The following PPME1 variants were observed in gnomAD, a reference collection of about 807,000 sequenced individuals.
PPME1 encodes the protein protein phosphatase methylesterase 1, also known as testicular secretory protein Li 39.
PPME1 carries 17 observed loss-of-function variants against 56.9 expected under a neutral mutation model. The observed-to-expected ratio is 0.30, with a 90% CI of 0.20 to 0.45. The LOEUF (loss-of-function observed/expected upper bound fraction) is 0.45. PPME1 is among the 20% of genes least tolerant of loss of function. PPME1 has a pLI of 1.00. For synonymous variants in PPME1, 122 were observed against 156.2 expected, an observed-to-expected ratio of 0.78 and a Z score of 1.63; for missense variants, 357 against 483.2, an observed-to-expected ratio of 0.74 and a Z score of 2.45.
chr11:74,199,794 T>C (rs1858099916), intron 1 of PPME1, among the ~76,000 whole-genome samples: 1 of 152,148 alleles, frequency 6.6e-6, no homozygotes, highest in South Asian at 2.1e-4. Flanking sequence ...TGGAAGGAAA[T>C]AGGCATGTCT....
At chr11:74,176,442 T>A (rs1042435602) in intron 1 of PPME1, among the ~76,000 whole-genome samples, 1 of 152,126 alleles carries the variant, frequency 6.6e-6, no homozygotes, top group African/African-American at 2.4e-5. Context: ...TGTTTTTTTT[T>A]TTATTTTTTC....
intron 1 of PPME1, among the ~76,000 whole-genome samples, chr11:74,174,105 G>A (rs1328726093): frequency 6.6e-6 from 1 of 151,534 alleles, no homozygotes; most frequent in African/African-American, 2.4e-5. Flanking sequence ...ATAAAGCTGA[G>A]AGAAAGCATA....
intron 1 of PPME1, among the ~76,000 whole-genome samples, chr11:74,184,777 A>C (rs1441364866): frequency 6.6e-6 from 1 of 152,118 alleles, no homozygotes; most frequent in Non-Finnish European, 1.5e-5. Context: ...TCTTTGAAGG[A>C]AAGGACTAAA....
chr11:74,208,173 A>G (rs1397965910), intron 3 of PPME1, among the ~76,000 whole-genome samples: 1 of 152,066 alleles, frequency 6.6e-6, no homozygotes, highest in Non-Finnish European at 1.5e-5. Context: ...TTAGCTGGGC[A>G]TGGTGGCACA....
intron 5 of PPME1, among the ~76,000 whole-genome samples, chr11:74,226,420 T>C (rs938735225): frequency 8.5e-5 from 13 of 152,150 alleles, no homozygotes; most frequent in Non-Finnish European, 7.4e-5. Flanking sequence ...AGTATGAATG[T>C]CATTCCACTC....
intron 7 of PPME1, among the ~76,000 whole-genome samples, chr11:74,232,063 T>A (rs1859081217): frequency 6.6e-6 from 1 of 152,206 alleles, no homozygotes; most frequent in African/African-American, 2.4e-5. Flanking sequence ...TAACTCCATC[T>A]CCAGTCTCTT....
At chr11:74,176,242 A>G (rs891199536) in intron 1 of PPME1, among the ~76,000 whole-genome samples, 6 of 152,296 alleles carry the variant, frequency 3.9e-5, no homozygotes. Flanking sequence ...TTTTGTCCCC[A>G]CAAGCTGTAT....
intron 7 of PPME1, among the ~76,000 whole-genome samples, chr11:74,233,665 T>G (rs934270011): frequency 6.6e-6 from 1 of 151,932 alleles, no homozygotes; most frequent in African/African-American, 2.4e-5. Flanking sequence ...ATATATATAT[T>G]TTTTTAATTA....
At chr11:74,246,232 C>G in intron 10 of PPME1, 27 bp downstream of exon 10, 1 of 1,529,822 alleles carries the variant, frequency 6.5e-7, no homozygotes, top group Non-Finnish European at 8.8e-7. Flanking sequence ...ATATATTAGT[C>G]AGCTCAGGCT....
intron 1 of PPME1, 150 bp downstream of exon 1, chr11:74,171,672 A>T (rs1857235082): frequency 9.5e-7 from 1 of 1,049,488 alleles, no homozygotes; most frequent in African/African-American, 1.6e-5. Context: ...TAGAAGGCAG[A>T]TTGGGGTACT....
intron 3 of PPME1, among the ~76,000 whole-genome samples, chr11:74,217,164 A>ATTCCC: frequency 6.6e-6 from 1 of 152,312 alleles, no homozygotes; most frequent in East Asian, 1.9e-4. Flanking sequence ...AAAAACAAAA[A>ATTCCC]AACTACAGGC....
At chr11:74,227,682 C>T (rs1341296603) in intron 5 of PPME1, among the ~76,000 whole-genome samples, 1 of 152,132 alleles carries the variant, frequency 6.6e-6, no homozygotes, top group East Asian at 1.9e-4. Context: ...AATTGTAATA[C>T]ATCCAGTTAC....
chr11:74,228,115 T>C (rs1224929521), intron 5 of PPME1, among the ~76,000 whole-genome samples: 2 of 151,600 alleles, frequency 1.3e-5, no homozygotes, highest in Non-Finnish European at 2.9e-5. Flanking sequence ...ATATTTAATA[T>C]AAACATGTTT....
chr11:74,228,145 TAA>T (rs568949797), intron 5 of PPME1, among the ~76,000 whole-genome samples: 10 of 142,658 alleles, frequency 7.0e-5, no homozygotes, highest in African/African-American at 2.0e-4. Context: ...GTCTTTTCTT[TAA>T]AAAAAAAAAA....
At chr11:74,229,982 G>C (rs777911554) in intron 5 of PPME1, among the ~76,000 whole-genome samples, 3 of 152,226 alleles carry the variant, frequency 2.0e-5, no homozygotes, top group Non-Finnish European at 2.9e-5. Flanking sequence ...GTGGAACAGT[G>C]AAAGTGTGAT....
chr11:74,189,071 TACAG>T (rs1857766319), intron 1 of PPME1, among the ~76,000 whole-genome samples: 1 of 152,144 alleles, frequency 6.6e-6, no homozygotes, highest in African/African-American at 2.4e-5. Context: ...TATGTAAACA[TACAG>T]TTATATTTCC....
chr11:74,174,660 A>G (rs1857364225), intron 1 of PPME1, among the ~76,000 whole-genome samples: 1 of 152,200 alleles, frequency 6.6e-6, no homozygotes, highest in Non-Finnish European at 1.5e-5. Context: ...AGTTTCCATA[A>G]TTCAGTTTTT....
At chr11:74,237,296 GA>G (rs1859216909) in intron 8 of PPME1, among the ~76,000 whole-genome samples, 1 of 115,114 alleles carries the variant, frequency 8.7e-6, no homozygotes, top group African/African-American at 5.7e-5. Flanking sequence ...TTTTTTTTGA[GA>G]CAGAGTCTCA....
At chr11:74,179,782 C>T (rs993753379) in intron 1 of PPME1, among the ~76,000 whole-genome samples, 3 of 152,200 alleles carry the variant, frequency 2.0e-5, no homozygotes, top group South Asian at 4.1e-4. Flanking sequence ...AGACCTACCA[C>T]AACCCTCAGC....
Sources: gnomAD v4.1 joint callset for allele counts (sites outside exome capture counted in the v4.1 genomes callset) on GRCh38, gnomAD v4.1.1 for gene constraint, MANE v1.5 for transcripts, NCBI Gene and HGNC (gene_info 2026-07-23, HGNC 2026-07-21) for gene names.